The following NT5DC1 variants were observed in gnomAD, a reference collection of about 807,000 sequenced individuals.
The protein encoded by NT5DC1 is 5'-nucleotidase domain-containing protein 1.
A neutral mutation model predicts 59.4 loss-of-function variants in NT5DC1; 42 were observed. The ratio of observed to expected loss-of-function variants is 0.71; its 90% CI spans 0.55 to 0.92. The LOEUF (loss-of-function observed/expected upper bound fraction) is 0.92. NT5DC1 is among the 40% of genes least tolerant of loss of function. The pLI is 0.00. For missense variants in NT5DC1, 501 were observed against 537.1 expected (o/e 0.93, Z 0.66); for synonymous variants, 172 against 188.1 (o/e 0.91, Z 0.70).
chr6:116,142,343 T>TA (rs938704859), intron 6 of NT5DC1, among the ~76,000 whole-genome samples: 1 of 151,432 alleles, frequency 6.6e-6, no homozygotes, highest in African/African-American at 2.4e-5. Flanking sequence ...TTTCAAGTTG[T>TA]AAAAAAAAAT....
intron 6 of NT5DC1, among the ~76,000 whole-genome samples, chr6:116,145,806 G>A (rs1779884500): frequency 6.6e-6 from 1 of 151,798 alleles, no homozygotes; most frequent in African/African-American, 2.4e-5. Flanking sequence ...TTTATTTTTA[G>A]CAGTAATATA....
chr6:116,121,692 C>T (rs376224853), intron 6 of NT5DC1: 1 of 1,614,092 alleles, frequency 6.2e-7, no homozygotes, highest in Non-Finnish European at 8.5e-7. Context: ...CCAGGTGGTC[C>T]TGGTGGGCCC....
chr6:116,120,988 C>T, intron 6 of NT5DC1: 1 of 1,613,894 alleles, frequency 6.2e-7, no homozygotes, highest in East Asian at 2.2e-5. Context: ...CCCTTTCACC[C>T]TTAGCCCCAG....
At chr6:116,143,038 C>T (rs2114371175) in intron 6 of NT5DC1, among the ~76,000 whole-genome samples, 1 of 152,140 alleles carries the variant, frequency 6.6e-6, no homozygotes, top group South Asian at 2.1e-4. Context: ...TGGTTCTGTC[C>T]TTTTGCTCTT....
At chr6:116,240,381 G>T (rs1040094349) in intron 11 of NT5DC1, among the ~76,000 whole-genome samples, 1 of 152,132 alleles carries the variant, frequency 6.6e-6, no homozygotes, top group African/African-American at 2.4e-5. Flanking sequence ...CATTTACATT[G>T]TATTGGATAT....
At chr6:116,231,148 TC>T (rs34977850) in intron 8 of NT5DC1, among the ~76,000 whole-genome samples, 4 of 116,680 alleles carry the variant, frequency 3.4e-5, no homozygotes, top group Non-Finnish European at 3.2e-5. Context: ...GAATGGTAAA[TC>T]CCCCCCCCAA....
intron 6 of NT5DC1, chr6:116,158,592 C>T (rs1339731897): frequency 6.6e-6 from 1 of 152,132 alleles, no homozygotes; most frequent in East Asian, 1.9e-4. Flanking sequence ...AACCTATTGT[C>T]ACACGTTTGA....
At chr6:116,168,691 T>C (rs9481609) in intron 6 of NT5DC1, among the ~76,000 whole-genome samples, 77,132 of 151,646 alleles carry the variant, frequency 0.51, 20,704 homozygotes, top group African/African-American at 0.69. Context: ...TTATTGATAC[T>C]AGCTATTGTT....
chr6:116,120,760 G>A (rs1470427075), intron 6 of NT5DC1: 1 of 1,610,202 alleles, frequency 6.2e-7, no homozygotes, highest in Non-Finnish European at 8.5e-7. Context: ...GCCCAATAGG[G>A]CCTCTAGTAC....
chr6:116,204,035 C>T (rs934973133), intron 6 of NT5DC1, among the ~76,000 whole-genome samples: 2 of 151,816 alleles, frequency 1.3e-5, no homozygotes, highest in East Asian at 3.9e-4. Context: ...AAAAAACCCT[C>T]GAAGGCTGTG....
At position 116,120,188 on chromosome 6, in the gene NT5DC1, T is replaced by G. The variant is rs750526125; in HGVS notation, c.529+2243T>G. 7 of 1,614,138 alleles carry G rather than the reference T, an allele frequency of 4.3e-6. No individual in the cohort carries two copies. Among genetic ancestry groups the G allele is most frequent in the Non-Finnish European group, 5.9e-6 (7 of 1,180,010 alleles). ...CCACACCTGGTCATTTTCTGTGAGA[T>G]CGATGATGGCACTCCCTGAAGCCTG... On this transcript the variant is annotated intron_variant, in intron 6 of 11. Coordinates refer to ENST00000319550, the MANE Select transcript of NT5DC1 (RefSeq NM_152729.3).
At chr6:116,234,625 G>A (rs1201389072) in intron 8 of NT5DC1, among the ~76,000 whole-genome samples, 2 of 152,204 alleles carry the variant, frequency 1.3e-5, no homozygotes, top group Non-Finnish European at 2.9e-5. Flanking sequence ...ACAGGTGTGA[G>A]CCACCACACC....
chr6:116,159,739 A>G (rs1325928884), intron 6 of NT5DC1, among the ~76,000 whole-genome samples: 1 of 152,202 alleles, frequency 6.6e-6, no homozygotes, highest in Non-Finnish European at 1.5e-5. Flanking sequence ...AATAGTGAAC[A>G]CTGTACCAAG....
At chr6:116,125,616 T>C (rs1156939003) in intron 6 of NT5DC1, 2 of 916,208 alleles carry the variant, frequency 2.2e-6, no homozygotes, top group African/African-American at 3.4e-5. Context: ...TTTTAACCTA[T>C]CCTATATATT....
At chr6:116,176,707 C>G (rs1324183608) in intron 6 of NT5DC1, among the ~76,000 whole-genome samples, 2 of 152,158 alleles carry the variant, frequency 1.3e-5, no homozygotes, top group Admixed American at 1.3e-4. Flanking sequence ...ACTTGCTGCC[C>G]TTCCTCCAGC....
intron 6 of NT5DC1, among the ~76,000 whole-genome samples, chr6:116,171,561 G>A (rs182032601): frequency 4.6e-4 from 70 of 152,216 alleles, no homozygotes; most frequent in African/African-American, 1.4e-3. Flanking sequence ...CTACCTTTTT[G>A]GGGGGACTAA....
intron 11 of NT5DC1, 31 bp downstream of exon 11, chr6:116,239,154 C>G: frequency 6.7e-7 from 1 of 1,497,954 alleles, no homozygotes; most frequent in Non-Finnish European, 9.2e-7. Flanking sequence ...AAAGCTTCAC[C>G]TGTTACTAGA....
chr6:116,145,361 T>C (rs1779872439), intron 6 of NT5DC1: 3 of 279,448 alleles, frequency 1.1e-5, no homozygotes, highest in Admixed American at 1.0e-4. Context: ...TAAAAAAAAA[T>C]CAACATTAAA....
chr6:116,106,246 C>T lies in NT5DC1; in HGVS notation c.96C>T (p.Leu32=). ...CRYNLPESAP[L]IYNSFAQFLV... is the part of the protein sequence containing the mutation. ...GTTTTTCTTCCCCTTATTTGCAGCT[C>T]ATTTATAATAGCTTTGCCCAGTTCC... Residue 32 remains leucine (L), a splice_region_variant and synonymous_variant, in exon 2 of 12, where the codon CTC becomes CTT. Coordinates refer to ENST00000319550, the MANE Select transcript of NT5DC1 (RefSeq NM_152729.3). 1 of 1,491,116 alleles carries T rather than the reference C, an allele frequency of 6.7e-7. No individual in the cohort carries two copies. The highest frequency in any genetic ancestry group is 9.3e-7 in the Non-Finnish European group (1 of 1,069,570). The allele number at this position is 1,491,116 out of a possible 1,614,324, so 92.4% of individuals were successfully genotyped here. A position where few individuals can be genotyped will look rare whatever the true frequency, so the allele number is the denominator to read the frequency against.
Sources: allele counts gnomAD v4.1 joint callset (sites outside exome capture counted in the v4.1 genomes callset), GRCh38; gene constraint gnomAD v4.1.1; transcripts MANE v1.5; gene names NCBI Gene and HGNC (gene_info 2026-07-23, HGNC 2026-07-21).